The following GLI3 variants were observed in gnomAD, a reference collection of about 807,000 sequenced individuals.
GLI3 encodes GLI family zinc finger 3.
GLI3 carries 20 observed loss-of-function variants against 100.8 expected under a neutral mutation model. That is an observed-to-expected ratio of 0.20 (90% CI 0.14 to 0.29). GLI3 has a LOEUF of 0.29. Among genes scored for constraint, GLI3 ranks in the 10% least tolerant of loss-of-function variants. The pLI, the probability that GLI3 is intolerant of heterozygous loss-of-function variation, is 1.00. For missense variants in GLI3, 2,040 were observed against 2,128.5 expected, an observed-to-expected ratio of 0.96 and a Z score of 0.82; for synonymous variants, 938 against 860.5, an observed-to-expected ratio of 1.09 and a Z score of -1.58.
chr7:42,256,682 G>C (rs555681176), intron 1 of GLI3, among the ~76,000 whole-genome samples: 1 of 152,116 alleles, frequency 6.6e-6, no homozygotes, highest in South Asian at 2.1e-4. Context: ...TTCTTACTGT[G>C]GCTTTAGAGT....
At chr7:42,164,787 G>A (rs1395880120) in intron 2 of GLI3, among the ~76,000 whole-genome samples, 2 of 151,670 alleles carry the variant, frequency 1.3e-5, no homozygotes, top group Non-Finnish European at 2.9e-5. Flanking sequence ...CCGAGATCAC[G>A]CCACTGCACT....
chr7:42,167,244 A>C (rs945021039), intron 2 of GLI3, among the ~76,000 whole-genome samples: 3 of 152,208 alleles, frequency 2.0e-5, no homozygotes, highest in Admixed American at 6.5e-5. Context: ...TGCTAAGGAC[A>C]GTAAGCAATG....
intron 10 of GLI3, among the ~76,000 whole-genome samples, chr7:41,997,175 A>G (rs1788150069): frequency 6.6e-6 from 1 of 152,146 alleles, no homozygotes; most frequent in Non-Finnish European, 1.5e-5. Context: ...TACATGATAT[A>G]ATGTAAGCCT....
intron 7 of GLI3, among the ~76,000 whole-genome samples, chr7:42,027,552 C>T (rs559096020): frequency 6.6e-6 from 1 of 152,236 alleles, no homozygotes; most frequent in East Asian, 1.9e-4. Context: ...AAATTCAAAC[C>T]ATTTCAACAA....
In GLI3 at chr7:41,986,291, T is replaced by C. The variant is rs192268393; in HGVS notation, c.1498-7543A>G. 6.2e-3 allele frequency among the ~76,000 whole-genome samples: 944 copies of C among 152,340 alleles called. 4 individuals are homozygous for C. Among genetic ancestry groups the C allele is most frequent in the Middle Eastern group, 0.01 (3 of 294 alleles). On this transcript the variant is annotated intron_variant, in intron 10 of 14. Transcript: ENST00000395925. ...AAATGTGTAACAAAATTATTTTTTC[T>C]TATGTGTAAGAAAGGCAAAGTTCTT...
rs943446633 is a variant in GLI3, at chr7:42,152,304, G to A, written c.125-3836C>T. 3 of 700,414 alleles carry A rather than the reference G, an allele frequency of 4.3e-6. No homozygotes were observed. In the Admixed American group the frequency reaches 1.9e-4, roughly 44 times the overall value. 43.4% of individuals were successfully genotyped at this position (700,414 alleles called of 1,614,324 possible). On this transcript the variant is annotated intron_variant, in intron 2 of 14. Transcript: ENST00000395925. Reference sequence around the variant, plus strand: ...TTTTAATACCCACTACTCCTCTCTTGTCCCAAGACCTAGAAGATGCGGAGT... The same window carrying A: ...TTTTAATACCCACTACTCCTCTCTTATCCCAAGACCTAGAAGATGCGGAGT...
intron 4 of GLI3, among the ~76,000 whole-genome samples, chr7:42,053,004 T>C (rs1784381828): frequency 1.3e-5 from 2 of 152,208 alleles, no homozygotes; most frequent in African/African-American, 4.8e-5. Context: ...GCTTTGTTTT[T>C]TGTTTTCGAG....
At chr7:42,022,025 A>C (rs888757254) in intron 10 of GLI3, among the ~76,000 whole-genome samples, 15 of 152,256 alleles carry the variant, frequency 9.9e-5, no homozygotes, top group African/African-American at 3.4e-4. Context: ...TAACACTTGC[A>C]TTAAATTAAA....
At chr7:42,007,792 C>A (rs1326067683) in intron 10 of GLI3, among the ~76,000 whole-genome samples, 1 of 152,148 alleles carries the variant, frequency 6.6e-6, no homozygotes, top group South Asian at 2.1e-4. Context: ...TGAGGCCTCA[C>A]AGTACCCACA....
chr7:42,109,130 TTTAAG>T (rs1305326153), intron 3 of GLI3, among the ~76,000 whole-genome samples: 4 of 152,220 alleles, frequency 2.6e-5, no homozygotes, highest in Non-Finnish European at 4.4e-5. Flanking sequence ...GCGATAGCTC[TTTAAG>T]TACTGGTAGA....
At chr7:41,974,695 T>A (rs1487436666) in intron 12 of GLI3, among the ~76,000 whole-genome samples, 1 of 152,250 alleles carries the variant, frequency 6.6e-6, no homozygotes, top group East Asian at 1.9e-4. Flanking sequence ...TATCTGGGCT[T>A]AATGCCCAGC....
At position 42,179,617 on chromosome 7, in the gene GLI3, G is replaced by A. The variant is rs906762692; in HGVS notation, c.125-31149C>T. On this transcript the variant is annotated intron_variant, in intron 2 of 14. Coordinates refer to ENST00000395925, the MANE Select transcript of GLI3 (RefSeq NM_000168.6). Reference sequence around the variant, plus strand: ...TGGCTCCTAGGAAGGCAGTGAGCAGGGGGCAGATTCTGGTGCTTTATGAAG... The same window carrying A: ...TGGCTCCTAGGAAGGCAGTGAGCAGAGGGCAGATTCTGGTGCTTTATGAAG... Among the ~76,000 whole-genome samples, 3 of 152,306 alleles carry A rather than the reference G, an allele frequency of 2.0e-5. No homozygotes were observed. The East Asian group carries it at 5.8e-4, about 29-fold the overall frequency.
At chr7:41,969,233 T>C (rs181457032) in intron 13 of GLI3, among the ~76,000 whole-genome samples, 80 of 152,288 alleles carry the variant, frequency 5.3e-4, no homozygotes, top group African/African-American at 1.6e-3. Context: ...TAGCCTGGAC[T>C]CCTAGGCCGG....
intron 2 of GLI3, among the ~76,000 whole-genome samples, chr7:42,165,153 C>T (rs572183648): frequency 6.6e-6 from 1 of 150,878 alleles, no homozygotes; most frequent in South Asian, 2.1e-4. Flanking sequence ...TTGCAGTGAG[C>T]CTGGGCAACA....
At chr7:42,227,923 G>A (rs566938616) in intron 1 of GLI3, among the ~76,000 whole-genome samples, 2 of 152,276 alleles carry the variant, frequency 1.3e-5, no homozygotes, top group Admixed American at 6.5e-5. Flanking sequence ...GGTTGTACGG[G>A]TATGGCCAAT....
At chr7:42,161,518 A>G (rs1787130311) in intron 2 of GLI3, among the ~76,000 whole-genome samples, 1 of 152,212 alleles carries the variant, frequency 6.6e-6, no homozygotes, top group Non-Finnish European at 1.5e-5. Context: ...ACCTAGGAAA[A>G]ATATTCAAAA....
intron 9 of GLI3, among the ~76,000 whole-genome samples, chr7:42,024,312 T>G (rs1411271411): frequency 6.6e-6 from 1 of 152,178 alleles, no homozygotes; most frequent in African/African-American, 2.4e-5. Flanking sequence ...GAATTCATCT[T>G]GTGTAGATTC....
intron 3 of GLI3, among the ~76,000 whole-genome samples, chr7:42,086,664 C>T (rs1785107842): frequency 6.6e-6 from 1 of 152,070 alleles, no homozygotes; most frequent in Admixed American, 6.6e-5. Context: ...AGTCTTACCC[C>T]CTCTTCAAGA....
At chr7:42,110,897 T>C (rs1226777145) in intron 3 of GLI3, among the ~76,000 whole-genome samples, 1 of 152,048 alleles carries the variant, frequency 6.6e-6, no homozygotes, top group African/African-American at 2.4e-5. Flanking sequence ...CCAGCTCTGG[T>C]TGGTGGCACA....
Sources: gnomAD v4.1 joint callset for allele counts (sites outside exome capture counted in the v4.1 genomes callset) on GRCh38, gnomAD v4.1.1 for gene constraint, MANE v1.5 for transcripts, NCBI Gene and HGNC (gene_info 2026-07-23, HGNC 2026-07-21) for gene names.